SUGCT: variants seen among roughly 807,000 people sequenced by gnomAD.
SUGCT encodes the protein succinyl-CoA:glutarate-CoA transferase, also known as succinyl-CoA:glutarate CoA-transferase.
A neutral mutation model predicts 55.0 loss-of-function variants in SUGCT; 41 were observed. The ratio of observed to expected loss-of-function variants is 0.74; its 90% CI spans 0.58 to 0.97. The LOEUF (loss-of-function observed/expected upper bound fraction) is 0.97. SUGCT is among the 50% of genes least tolerant of loss of function. The pLI is 0.00. For synonymous variants in SUGCT, 187 were observed against 200.4 expected (o/e 0.93, Z 0.56); for missense variants, 568 against 547.8 (o/e 1.04, Z -0.37).
At chr7:40,899,297 C>G in the SUGCT span, among the ~76,000 whole-genome samples, 3 of 152,190 alleles carry the variant, frequency 2.0e-5, no homozygotes, top group African/African-American at 7.2e-5. Flanking sequence ...AGTGAGCAAC[C>G]TTCCTTAAGG....
At chr7:40,548,326 C>T (rs1795119624) in intron 12 of SUGCT, among the ~76,000 whole-genome samples, 1 of 151,334 alleles carries the variant, frequency 6.6e-6, no homozygotes, top group Non-Finnish European at 1.5e-5. Context: ...ATAGCTGGAA[C>T]TACAGGCACA....
At chr7:40,860,878 T>C (rs554774618), downstream of SUGCT, 125 of 148,644 alleles carry the variant, frequency 8.4e-4, no homozygotes, top group Non-Finnish European at 1.5e-3. Flanking sequence ...GCTCTCTTGA[T>C]ACTTTCTACT....
chr7:40,474,219 G>C (rs966455394), intron 11 of SUGCT, among the ~76,000 whole-genome samples: 1 of 152,166 alleles, frequency 6.6e-6, no homozygotes, highest in Non-Finnish European at 1.5e-5. Context: ...AGAGTAGTAT[G>C]TTAGGGTTTG....
intron 7 of SUGCT, among the ~76,000 whole-genome samples, chr7:40,250,982 C>T (rs1022067663): frequency 6.6e-6 from 1 of 150,644 alleles, no homozygotes; most frequent in African/African-American, 2.4e-5. Flanking sequence ...GATTACAGGC[C>T]CCTGCCACTG....
the SUGCT span, among the ~76,000 whole-genome samples, chr7:40,978,101 C>A: frequency 6.6e-6 from 1 of 152,202 alleles, no homozygotes; most frequent in African/African-American, 2.4e-5. Flanking sequence ...TCTTGGCAGT[C>A]TAACCAGAAA....
intron 12 of SUGCT, among the ~76,000 whole-genome samples, chr7:40,638,848 C>T (rs546232897): frequency 1.1e-4 from 17 of 152,122 alleles, no homozygotes; most frequent in South Asian, 1.0e-3. Flanking sequence ...GTAGGTGGGA[C>T]GTGTGCTGCA....
At chr7:40,898,148 A>G in the SUGCT span, among the ~76,000 whole-genome samples, 1 of 150,680 alleles carries the variant, frequency 6.6e-6, no homozygotes, top group Non-Finnish European at 1.5e-5. Context: ...CCACCAGCTC[A>G]CCAGTAGTGA....
chr7:40,299,832 TA>T (rs1400511344), intron 8 of SUGCT, among the ~76,000 whole-genome samples: 1 of 152,212 alleles, frequency 6.6e-6, no homozygotes, highest in African/African-American at 2.4e-5. Context: ...TTTTTATTTT[TA>T]TTTTTTTACA....
chr7:40,154,600 G>A (rs1783790600), intron 1 of SUGCT, among the ~76,000 whole-genome samples: 1 of 152,046 alleles, frequency 6.6e-6, no homozygotes, highest in South Asian at 2.1e-4. Context: ...AAAGTTTTGG[G>A]ATTACAGGTG....
intron 12 of SUGCT, among the ~76,000 whole-genome samples, chr7:40,741,220 C>T (rs756315712): frequency 2.0e-5 from 3 of 150,888 alleles, no homozygotes; most frequent in Non-Finnish European, 2.9e-5. Flanking sequence ...TTCAGTGAGC[C>T]GAGATCACGC....
chr7:40,353,659 G>C (rs1248613732), intron 9 of SUGCT, among the ~76,000 whole-genome samples: 1 of 151,978 alleles, frequency 6.6e-6, no homozygotes, highest in East Asian at 1.9e-4. Context: ...TGATGGAGTT[G>C]GGTTCTTAAA....
chr7:40,682,114 A>G (rs1784274335), intron 12 of SUGCT, among the ~76,000 whole-genome samples: 1 of 152,126 alleles, frequency 6.6e-6, no homozygotes, highest in Admixed American at 6.5e-5. Flanking sequence ...AGGTGCCTGG[A>G]ATTTCCCTTG....
intron 7 of SUGCT, among the ~76,000 whole-genome samples, chr7:40,249,062 A>G (rs879481626): frequency 4.6e-5 from 7 of 151,920 alleles, no homozygotes; most frequent in Non-Finnish European, 7.4e-5. Context: ...TGACCAAGTC[A>G]GGAGGATTGC....
intron 10 of SUGCT, among the ~76,000 whole-genome samples, chr7:40,451,222 T>G (rs1025917763): frequency 4.6e-5 from 7 of 152,150 alleles, no homozygotes; most frequent in African/African-American, 1.7e-4. Context: ...GAGTTTTCTT[T>G]CTCCAGAAAG....
downstream of SUGCT, among the ~76,000 whole-genome samples, chr7:40,862,621 C>A (rs182718865): frequency 5.9e-5 from 9 of 152,272 alleles, no homozygotes; most frequent in East Asian, 9.6e-4. Flanking sequence ...CAAGGCCTGC[C>A]TTCTGGCAGG....
chr7:40,472,985 G>A (rs2151473837), intron 11 of SUGCT, among the ~76,000 whole-genome samples: 1 of 152,230 alleles, frequency 6.6e-6, no homozygotes, highest in East Asian at 1.9e-4. Context: ...CCTTACAAAT[G>A]CATTGAGAAA....
intron 13 of SUGCT, among the ~76,000 whole-genome samples, chr7:40,837,769 A>G (rs1442036862): frequency 1.3e-5 from 2 of 151,910 alleles, no homozygotes; most frequent in African/African-American, 4.8e-5. Flanking sequence ...ACCCACCACC[A>G]TGCCTGGCTA....
In SUGCT at chr7:40,459,113, C is replaced by T; in HGVS notation, c.901C>T (p.Pro301Ser). 1 of 1,609,246 alleles carries T rather than the reference C, an allele frequency of 6.2e-7. No individual in the cohort carries two copies. The highest frequency in any genetic ancestry group is 1.3e-5 in the African/African-American group (1 of 74,940). The change falls in exon 11 of 14, where the codon CCT (proline) becomes TCT (serine). Residue 301 changes from proline (P) to serine (S), a missense_variant. Pro to Ser is a moderately conservative substitution (Grantham distance 74). Transcript: ENST00000335693. ...TTTTTTCTTTTAGATCTTGGATTTG[C>T]CTGAGTTGATTGATAATTCCAAGTA... ...FATVCKILDL[P>S]ELIDNSKYKT...
At chr7:40,433,419 G>A (rs1385890050) in intron 9 of SUGCT, among the ~76,000 whole-genome samples, 1 of 151,684 alleles carries the variant, frequency 6.6e-6, no homozygotes, top group Non-Finnish European at 1.5e-5. Flanking sequence ...TTCACAAGAT[G>A]TAAGATGCCA....
Sources: allele counts gnomAD v4.1 joint callset (sites outside exome capture counted in the v4.1 genomes callset), GRCh38; gene constraint gnomAD v4.1.1; transcripts MANE v1.5; gene names NCBI Gene and HGNC (gene_info 2026-07-23, HGNC 2026-07-21).